PCMT1: variants seen among roughly 807,000 people sequenced by gnomAD.
PCMT1 encodes protein-L-isoaspartate (D-aspartate) O-methyltransferase, also known as protein-L-isoaspartate(D-aspartate) O-methyltransferase.
A neutral mutation model predicts 29.2 loss-of-function variants in PCMT1; 9 were observed. The observed-to-expected ratio is 0.31, with a 90% CI of 0.19 to 0.54. The LOEUF is 0.54. Ranked by LOEUF, PCMT1 falls within the 20% of genes least tolerant of loss-of-function variation. PCMT1 has a pLI of 0.95. For synonymous variants in PCMT1, 98 were observed against 97.5 expected, an observed-to-expected ratio of 1.00 and a Z score of -0.03; for missense variants, 184 against 282.2, an observed-to-expected ratio of 0.65 and a Z score of 2.49.
intron 3 of PCMT1, among the ~76,000 whole-genome samples, chr6:149,775,885 C>T (rs895865890): frequency 2.0e-5 from 3 of 151,586 alleles, no homozygotes; most frequent in African/African-American, 7.3e-5. Context: ...CGTGGCCAGG[C>T]GTGGTGGCTC....
intron 3 of PCMT1, among the ~76,000 whole-genome samples, chr6:149,784,115 A>G (rs994205059): frequency 1.3e-5 from 2 of 152,174 alleles, no homozygotes; most frequent in Admixed American, 6.5e-5. Flanking sequence ...ATATTGGGGG[A>G]AAAAACAGCC....
At chr6:149,792,518 T>C (rs1788412886) in intron 4 of PCMT1, among the ~76,000 whole-genome samples, 1 of 152,202 alleles carries the variant, frequency 6.6e-6, no homozygotes, top group African/African-American at 2.4e-5. Flanking sequence ...TTGTTGCTTT[T>C]TGTTTGTTTT....
At chr6:149,809,481 T>A (rs1776105712) in intron 7 of PCMT1, among the ~76,000 whole-genome samples, 1 of 152,052 alleles carries the variant, frequency 6.6e-6, no homozygotes, top group Non-Finnish European at 1.5e-5. Context: ...GACTTATGAT[T>A]TGTCATTTAA....
intron 4 of PCMT1, among the ~76,000 whole-genome samples, chr6:149,791,960 T>A (rs996399515): frequency 3.3e-5 from 5 of 152,204 alleles, no homozygotes; most frequent in Non-Finnish European, 7.3e-5. Context: ...TGCTACCCCA[T>A]TTTTATGATG....
chr6:149,753,203 T>G (rs1786392883), intron 1 of PCMT1, among the ~76,000 whole-genome samples: 1 of 152,214 alleles, frequency 6.6e-6, no homozygotes, highest in African/African-American at 2.4e-5. Flanking sequence ...TCCTCATTAT[T>G]CTACTGTGTA....
intron 3 of PCMT1, among the ~76,000 whole-genome samples, chr6:149,782,691 A>G (rs778445848): frequency 3.3e-5 from 5 of 152,204 alleles, no homozygotes; most frequent in Non-Finnish European, 5.9e-5. Flanking sequence ...CAACAAGAAT[A>G]ATGATGGTAA....
intron 3 of PCMT1, among the ~76,000 whole-genome samples, chr6:149,775,187 G>GA (rs1562406863): frequency 6.6e-6 from 1 of 152,132 alleles, no homozygotes; most frequent in Non-Finnish European, 1.5e-5. Context: ...TTTGGGGTTG[G>GA]AGAAGCTCTT....
intron 1 of PCMT1, among the ~76,000 whole-genome samples, chr6:149,763,201 TATATCTATG>T (rs1562399292): frequency 3.4e-5 from 3 of 87,034 alleles, no homozygotes; most frequent in Non-Finnish European, 5.6e-5. Flanking sequence ...CTATGATATA[TATATCTATG>T]ATATCTATGA....
Position 149,763,883 on chromosome 6 carries a change from C to T in PCMT1, c.56-7279C>T, listed in dbSNP as rs1354838834. The stretch of plus-strand genomic sequence containing the variant: ...AAATTCAATATATTCTTTGTGGCTT[C>T]AGAGAATAACACTAAGAGTGTCATG... On this transcript the variant is annotated intron_variant, in intron 1 of 7. Transcript: ENST00000464889. Among the ~76,000 whole-genome samples, 3 of 152,064 alleles carry T rather than the reference C, an allele frequency of 2.0e-5. No individual in the cohort carries two copies. In the East Asian group the frequency reaches 5.8e-4, roughly 29 times the overall value.
intron 7 of PCMT1, among the ~76,000 whole-genome samples, chr6:149,808,723 G>A (rs903996320): frequency 1.3e-5 from 2 of 151,676 alleles, no homozygotes; most frequent in African/African-American, 4.8e-5. Flanking sequence ...TGCAACCTCC[G>A]CCTCCCTGGT....
At chr6:149,772,254 A>G in intron 2 of PCMT1, 1 of 354,200 alleles carries the variant, frequency 2.8e-6, no homozygotes, top group South Asian at 2.2e-5. Context: ...GCAGGTAAAT[A>G]AGTTTTGAGA....
At chr6:149,793,162 CA>C (rs59087711) in intron 4 of PCMT1, among the ~76,000 whole-genome samples, 3,058 of 129,800 alleles carry the variant, frequency 0.024, 32 homozygotes, top group Non-Finnish European at 0.028. Context: ...GACTCTCTCT[CA>C]AAAAAAAAAA....
At chr6:149,794,886 C>T in intron 5 of PCMT1, 1 of 481,400 alleles carries the variant, frequency 2.1e-6, no homozygotes, top group Non-Finnish European at 4.2e-6. Flanking sequence ...TCTCAACTCA[C>T]TTCTTGTATT....
intron 1 of PCMT1, chr6:149,765,701 T>C: frequency 2.8e-6 from 1 of 359,798 alleles, no homozygotes; most frequent in East Asian, 1.0e-4. Context: ...GCATGATGGC[T>C]CATACCTGTA....
At chr6:149,759,416 T>C (rs1454778778) in intron 1 of PCMT1, among the ~76,000 whole-genome samples, 2 of 152,232 alleles carry the variant, frequency 1.3e-5, no homozygotes, top group African/African-American at 4.8e-5. Context: ...ATATTTCTTT[T>C]ATTTAGATGT....
chr6:149,808,050 C>G (rs1319070464), intron 7 of PCMT1, among the ~76,000 whole-genome samples: 2 of 152,106 alleles, frequency 1.3e-5, no homozygotes, highest in African/African-American at 4.8e-5. Context: ...CTTGGAAGAT[C>G]CATGAAATTA....
intron 4 of PCMT1, among the ~76,000 whole-genome samples, chr6:149,791,916 T>G (rs1308902588): frequency 1.3e-5 from 2 of 152,202 alleles, no homozygotes; most frequent in Non-Finnish European, 2.9e-5. Flanking sequence ...GTGAAAGTAC[T>G]TTGTGTTTTA....
chr6:149,762,999 GATATA>G (rs1786888139), intron 1 of PCMT1, among the ~76,000 whole-genome samples: 1 of 54,066 alleles, frequency 1.8e-5, no homozygotes, highest in Non-Finnish European at 2.6e-5. Context: ...TGATATATAT[GATATA>G]TATATCTATG....
intron 3 of PCMT1, among the ~76,000 whole-genome samples, chr6:149,778,539 T>TA (rs2115272570): frequency 6.6e-6 from 1 of 152,004 alleles, no homozygotes; most frequent in African/African-American, 2.4e-5. Flanking sequence ...CTTAATTTTT[T>TA]AGTTTTTGTT....
Sources: gnomAD v4.1 joint callset for allele counts (sites outside exome capture counted in the v4.1 genomes callset) on GRCh38, gnomAD v4.1.1 for gene constraint, MANE v1.5 for transcripts, NCBI Gene and HGNC (gene_info 2026-07-23, HGNC 2026-07-21) for gene names.